FOXN3: variants seen among roughly 807,000 people sequenced by gnomAD.
FOXN3 encodes the protein forkhead box N3.
FOXN3 carries 7 observed loss-of-function variants against 38.4 expected under a neutral mutation model. The ratio of observed to expected loss-of-function variants is 0.18; its 90% CI spans 0.10 to 0.34. The LOEUF is 0.34. Ranked by LOEUF, FOXN3 falls within the 10% of genes least tolerant of loss-of-function variation. The pLI is 1.00. For missense variants in FOXN3, 456 were observed against 613.4 expected (o/e 0.74, Z 2.71); for synonymous variants, 230 against 242.2 (o/e 0.95, Z 0.47).
intron 1 of FOXN3, among the ~76,000 whole-genome samples, chr14:89,494,902 G>A (rs1893647523): frequency 6.6e-6 from 1 of 152,188 alleles, no homozygotes; most frequent in Non-Finnish European, 1.5e-5. Context: ...AAGGAATTGT[G>A]ATTTTCCTGG....
chr14:89,338,611 T>C (rs1446981388), intron 3 of FOXN3, among the ~76,000 whole-genome samples: 3 of 152,142 alleles, frequency 2.0e-5, no homozygotes, highest in Admixed American at 6.5e-5. Flanking sequence ...CTGGCCAACA[T>C]GGTGAAACCT....
intron 1 of FOXN3, among the ~76,000 whole-genome samples, chr14:89,458,757 GCAAA>G (rs1892778842): frequency 6.6e-6 from 1 of 152,072 alleles, no homozygotes; most frequent in Non-Finnish European, 1.5e-5. Flanking sequence ...GTGAGCCTCA[GCAAA>G]CAGAGCAATC....
intron 1 of FOXN3, among the ~76,000 whole-genome samples, chr14:89,473,475 G>C (rs897503550): frequency 1.3e-5 from 2 of 149,534 alleles, no homozygotes; most frequent in Admixed American, 1.3e-4. Context: ...CCAAACTTCT[G>C]TGTGGTGCTC....
chr14:89,532,389 G>A (rs1894587784), intron 1 of FOXN3, among the ~76,000 whole-genome samples: 1 of 152,160 alleles, frequency 6.6e-6, no homozygotes, highest in Non-Finnish European at 1.5e-5. Flanking sequence ...AAGCTTTCTT[G>A]TTGACAAGGT....
intron 1 of FOXN3, among the ~76,000 whole-genome samples, chr14:89,428,866 G>A (rs1360810240): frequency 1.3e-5 from 2 of 152,230 alleles, no homozygotes; most frequent in African/African-American, 4.8e-5. Context: ...CTGGACTTCT[G>A]GATGGAGGCC....
At chr14:89,381,554 A>AAAG (rs869209303) in intron 2 of FOXN3, among the ~76,000 whole-genome samples, 2 of 131,376 alleles carry the variant, frequency 1.5e-5, no homozygotes, top group Non-Finnish European at 3.3e-5. Context: ...AAAAAAAAAA[A>AAAG]GGTTTGCTTA....
chr14:89,281,261 C>A (rs1385849553), intron 3 of FOXN3, among the ~76,000 whole-genome samples: 1 of 152,168 alleles, frequency 6.6e-6, no homozygotes, highest in Non-Finnish European at 1.5e-5. Context: ...ACTGGAATGA[C>A]CGACAGATAC....
chr14:89,586,352 A>G (rs189444305), intron 1 of FOXN3, among the ~76,000 whole-genome samples: 6 of 152,306 alleles, frequency 3.9e-5, no homozygotes, highest in African/African-American at 1.2e-4. Context: ...AAAAATAAAG[A>G]AAAAGCTACA....
At chr14:89,364,771 C>T (rs1890087079) in intron 2 of FOXN3, 1 of 152,174 alleles carries the variant, frequency 6.6e-6, no homozygotes, top group Non-Finnish European at 1.5e-5. Flanking sequence ...ACAGGTCTTT[C>T]AGAAATCCAC....
chr14:89,422,380 A>C (rs997333113), intron 1 of FOXN3, among the ~76,000 whole-genome samples: 10 of 152,214 alleles, frequency 6.6e-5, no homozygotes, highest in African/African-American at 2.4e-4. Context: ...TGGTCTGTGG[A>C]CCCACTTCAA....
chr14:89,467,800 C>CTTTCTTTTTTTTTTTTTTT (rs1383456566), intron 1 of FOXN3, among the ~76,000 whole-genome samples: 1 of 57,896 alleles, frequency 1.7e-5, no homozygotes, highest in African/African-American at 5.3e-5. Flanking sequence ...TCTTTTCTTT[C>CTTTCTTTTTTTTTTTTTTT]TTTGTTTTTT....
At chr14:89,308,347 T>G (rs1887436911) in intron 3 of FOXN3, among the ~76,000 whole-genome samples, 1 of 152,244 alleles carries the variant, frequency 6.6e-6, no homozygotes, top group Non-Finnish European at 1.5e-5. Context: ...AGGATGGAAT[T>G]AGCTCTCCTA....
intron 2 of FOXN3, among the ~76,000 whole-genome samples, chr14:89,371,946 G>A (rs1890329724): frequency 6.6e-6 from 1 of 152,050 alleles, no homozygotes; most frequent in African/African-American, 2.4e-5. Flanking sequence ...GGGGTAGCCT[G>A]CCATCCTCAT....
intron 4 of FOXN3, among the ~76,000 whole-genome samples, chr14:89,184,630 C>T (rs1327723666): frequency 2.0e-5 from 3 of 152,214 alleles, no homozygotes; most frequent in Non-Finnish European, 4.4e-5. Flanking sequence ...GGCCTTGCCC[C>T]GTTACTGGCT....
At chr14:89,465,420 G>C (rs1341960256) in intron 1 of FOXN3, among the ~76,000 whole-genome samples, 1 of 152,172 alleles carries the variant, frequency 6.6e-6, no homozygotes, top group South Asian at 2.1e-4. Context: ...AGTAGAGACG[G>C]GTTTTCAACA....
intron 1 of FOXN3, among the ~76,000 whole-genome samples, chr14:89,446,129 G>T (rs1892490881): frequency 8.1e-6 from 1 of 123,668 alleles, no homozygotes; most frequent in African/African-American, 2.9e-5. Context: ...GAAGAGTTGG[G>T]TCTAGAACCC....
chr14:89,536,574 G>A (rs1312852684), intron 1 of FOXN3, among the ~76,000 whole-genome samples: 1 of 152,110 alleles, frequency 6.6e-6, no homozygotes, highest in Non-Finnish European at 1.5e-5. Context: ...GAGGTCAGGA[G>A]TTCAAGACCA....
At chr14:89,340,961 T>C (rs1407137139) in intron 3 of FOXN3, among the ~76,000 whole-genome samples, 1 of 152,158 alleles carries the variant, frequency 6.6e-6, no homozygotes, top group Non-Finnish European at 1.5e-5. Context: ...CTAACAAAGC[T>C]ATGCATCTAT....
intron 3 of FOXN3, among the ~76,000 whole-genome samples, chr14:89,325,301 A>C (rs1475893402): frequency 1.3e-3 from 103 of 80,252 alleles, no homozygotes; most frequent in African/African-American, 2.1e-3. Context: ...ACCAACACCA[A>C]CACCACCACC....
Sources: allele counts gnomAD v4.1 joint callset (sites outside exome capture counted in the v4.1 genomes callset), GRCh38; gene constraint gnomAD v4.1.1; transcripts MANE v1.5; gene names NCBI Gene and HGNC (gene_info 2026-07-23, HGNC 2026-07-21).